FAF1: variants seen among roughly 807,000 people sequenced by gnomAD.
The protein encoded by FAF1 is FAS-associated factor 1.
FAF1 carries 25 observed loss-of-function variants against 92.5 expected under a neutral mutation model. That is an observed-to-expected ratio of 0.27 (90% CI 0.20 to 0.38). The LOEUF is 0.38. FAF1 is among the 10% of genes least tolerant of loss of function. FAF1 has a pLI of 1.00. For synonymous variants in FAF1, 234 were observed against 273.2 expected, an observed-to-expected ratio of 0.86 and a Z score of 1.42; for missense variants, 636 against 793.3, an observed-to-expected ratio of 0.80 and a Z score of 2.38.
chr1:50,665,574 A>C (rs1177874379), intron 7 of FAF1, among the ~76,000 whole-genome samples: 3 of 152,234 alleles, frequency 2.0e-5, no homozygotes, highest in Non-Finnish European at 4.4e-5. Context: ...GTTTCTGTCC[A>C]TAAAGTTACA....
rs979685108 is a variant in FAF1, at chr1:50,818,187, A to T, written c.115-16510T>A. On this transcript the variant is annotated intron_variant, in intron 2 of 18. Coordinates refer to ENST00000396153, the MANE Select transcript of FAF1 (RefSeq NM_007051.3). ...AGTTAATTTTTAAAGAAGAACCACA[A>T]AAAATTCCATCTTAAACACACTAAA... is the stretch of plus-strand genomic sequence containing the variant. Among the ~76,000 whole-genome samples, 8 of 152,248 alleles carry T rather than the reference A, an allele frequency of 5.3e-5. No individual in the cohort carries two copies. In the East Asian group the frequency reaches 1.3e-3, roughly 26 times the overall value.
At chr1:50,578,901 A>G (rs910176659) in intron 12 of FAF1, among the ~76,000 whole-genome samples, 2 of 152,128 alleles carry the variant, frequency 1.3e-5, no homozygotes, top group African/African-American at 4.8e-5. Flanking sequence ...AATGTAATAA[A>G]CTGTACATAA....
In FAF1 at chr1:50,960,196, G is replaced by C. The variant is rs948942940; in HGVS notation, c.-385C>G. The C allele has an allele frequency of 6.2e-6, 2 of 320,896 alleles. No homozygotes were observed. Among genetic ancestry groups the C allele is most frequent in the African/African-American group, 2.2e-5 (1 of 45,582 alleles). The allele number at this position is 320,896 out of a possible 1,614,324, so 19.9% of individuals were successfully genotyped here. ...GGGGGCGGGGAAACCGAGCGAGCGA[G>C]CGGGCGGGCGAACGCCGCGGCCGCC... is the stretch of plus-strand genomic sequence containing the variant. On this transcript the variant is annotated 5_prime_UTR_variant, in exon 1 of 19. Transcript: ENST00000396153.
chr1:50,877,705 C>A (rs1385994660), intron 1 of FAF1, among the ~76,000 whole-genome samples: 1 of 152,090 alleles, frequency 6.6e-6, no homozygotes, highest in East Asian at 1.9e-4. Flanking sequence ...TAAGTACCCT[C>A]CTGGCCAGGA....
At chr1:50,878,862 G>A (rs776985075) in intron 1 of FAF1, among the ~76,000 whole-genome samples, 4 of 152,166 alleles carry the variant, frequency 2.6e-5, no homozygotes, top group Non-Finnish European at 5.9e-5. Flanking sequence ...GAATCACAGT[G>A]TTAGCAAATG....
chr1:50,628,841 TCA>T (rs1375698632), intron 8 of FAF1, among the ~76,000 whole-genome samples: 1 of 152,218 alleles, frequency 6.6e-6, no homozygotes, highest in African/African-American at 2.4e-5. Flanking sequence ...TGACAGGTTT[TCA>T]CAGACATCCT....
intron 2 of FAF1, among the ~76,000 whole-genome samples, chr1:50,818,028 T>G (rs1557542231): frequency 1.3e-5 from 2 of 152,092 alleles, no homozygotes; most frequent in Admixed American, 6.6e-5. Context: ...AAAAATTGCT[T>G]GAGGTGGGCA....
intron 4 of FAF1, among the ~76,000 whole-genome samples, chr1:50,770,470 G>A (rs1171033812): frequency 6.6e-6 from 1 of 152,134 alleles, no homozygotes; most frequent in Non-Finnish European, 1.5e-5. Flanking sequence ...CAATGTCCAA[G>A]CTGAGAGTCA....
intron 2 of FAF1, among the ~76,000 whole-genome samples, chr1:50,836,254 T>C (rs1386010558): frequency 1.3e-5 from 2 of 149,436 alleles, no homozygotes; most frequent in African/African-American, 5.0e-5. Context: ...CACTTTAACT[T>C]TGAACTCCTG....
chr1:50,549,894 C>T (rs1649221966), intron 13 of FAF1, among the ~76,000 whole-genome samples: 1 of 152,190 alleles, frequency 6.6e-6, no homozygotes, highest in Non-Finnish European at 1.5e-5. Flanking sequence ...AGGCATGAGC[C>T]ACTGTGCACA....
intron 1 of FAF1, among the ~76,000 whole-genome samples, chr1:50,867,595 A>G (rs1644492607): frequency 6.6e-6 from 1 of 152,176 alleles, no homozygotes; most frequent in South Asian, 2.1e-4. Context: ...GACATCACTA[A>G]TGATCAGGCA....
chr1:50,905,037 G>GC (rs919438583), intron 1 of FAF1, among the ~76,000 whole-genome samples: 2 of 151,764 alleles, frequency 1.3e-5, no homozygotes, highest in East Asian at 1.9e-4. Flanking sequence ...CCCAACACCA[G>GC]CCCCCCACCC....
intron 17 of FAF1, among the ~76,000 whole-genome samples, chr1:50,486,360 A>C (rs1341926475): frequency 6.6e-6 from 1 of 152,096 alleles, no homozygotes; most frequent in East Asian, 1.9e-4. Context: ...AAGTTTGTTC[A>C]TTTACTGTTC....
intron 2 of FAF1, among the ~76,000 whole-genome samples, chr1:50,835,777 C>T (rs1319523688): frequency 2.6e-5 from 4 of 152,038 alleles, no homozygotes; most frequent in African/African-American, 9.7e-5. Context: ...ATTTCTTCTC[C>T]CCCTAGAGCC....
intron 7 of FAF1, among the ~76,000 whole-genome samples, chr1:50,702,494 G>C (rs1470436080): frequency 1.3e-5 from 2 of 152,062 alleles, no homozygotes; most frequent in African/African-American, 2.4e-5. Context: ...TTTACAAGCT[G>C]TTTGGTCATA....
At chr1:50,498,564 T>G (rs1572787026) in intron 15 of FAF1, among the ~76,000 whole-genome samples, 1 of 151,918 alleles carries the variant, frequency 6.6e-6, no homozygotes, top group East Asian at 1.9e-4. Flanking sequence ...ACAAGCTAAT[T>G]AAAAAATGGT....
intron 15 of FAF1, among the ~76,000 whole-genome samples, chr1:50,499,896 C>T (rs2149015134): frequency 6.6e-6 from 1 of 152,220 alleles, no homozygotes; most frequent in South Asian, 2.1e-4. Context: ...TCAGAACTTA[C>T]AGTTTAAAAA....
At chr1:50,646,039 A>G (rs1010842731) in intron 8 of FAF1, among the ~76,000 whole-genome samples, 1 of 152,192 alleles carries the variant, frequency 6.6e-6, no homozygotes, top group African/African-American at 2.4e-5. Context: ...GCAACTTCAT[A>G]TGGTCCCACC....
At chr1:50,808,161 A>T (rs1408196355) in intron 2 of FAF1, among the ~76,000 whole-genome samples, 1 of 152,184 alleles carries the variant, frequency 6.6e-6, no homozygotes, top group Non-Finnish European at 1.5e-5. Context: ...AAACTAAAAT[A>T]AGCTTCATAA....
Sources: gnomAD v4.1 joint callset for allele counts (sites outside exome capture counted in the v4.1 genomes callset) on GRCh38, gnomAD v4.1.1 for gene constraint, MANE v1.5 for transcripts, NCBI Gene and HGNC (gene_info 2026-07-23, HGNC 2026-07-21) for gene names.